Variants in EYS observed in about 807,000 individuals in gnomAD.
The protein encoded by EYS is protein eyes shut homolog.
A neutral mutation model predicts 282.1 loss-of-function variants in EYS; 250 were observed. The ratio of observed to expected loss-of-function variants is 0.89; its 90% confidence interval spans 0.80 to 0.98. The LOEUF (loss-of-function observed/expected upper bound fraction) is 0.98, where lower values mean the gene tolerates loss of function less well. Among genes scored for constraint, EYS ranks in the 50% least tolerant of loss-of-function variants. The pLI is 0.00. For missense variants in EYS, 4,016 were observed against 3,709.0 expected, an observed-to-expected ratio of 1.08 and a Z score of -2.15; for synonymous variants, 1,355 against 1,282.9, an observed-to-expected ratio of 1.06 and a Z score of -1.20.
chr6:65,495,778 A>G (rs946391917), intron 3 of EYS, 81 bp downstream of exon 3: 3 of 305,566 alleles, frequency 9.8e-6, no homozygotes, highest in Middle Eastern at 2.3e-3. Context: ...TGATCAAGAT[A>G]TGTTGATCTG....
At chr6:64,519,574 A>G (rs1032952585) in intron 26 of EYS, among the ~76,000 whole-genome samples, 2 of 151,812 alleles carry the variant, frequency 1.3e-5, no homozygotes, top group South Asian at 4.1e-4. Context: ...GCTGTCAATT[A>G]TCTTTAAAAA....
At chr6:64,100,014 T>C (rs1772771820) in intron 31 of EYS, among the ~76,000 whole-genome samples, 1 of 152,228 alleles carries the variant, frequency 6.6e-6, no homozygotes, top group South Asian at 2.1e-4. Flanking sequence ...TGCTAAACCG[T>C]CTCAGTTTTT....
chr6:64,810,659 G>T (rs1326726992), intron 22 of EYS, among the ~76,000 whole-genome samples: 2 of 151,976 alleles, frequency 1.3e-5, no homozygotes, highest in Admixed American at 6.6e-5. Flanking sequence ...ATAAGAGCAA[G>T]CCTATGGAAT....
intron 12 of EYS, among the ~76,000 whole-genome samples, chr6:65,246,664 A>G (rs1461809004): frequency 6.6e-6 from 1 of 152,058 alleles, no homozygotes; most frequent in East Asian, 1.9e-4. Context: ...ATACATCTGA[A>G]ACACGGTATG....
intron 22 of EYS, among the ~76,000 whole-genome samples, chr6:64,632,951 T>C (rs1031302969): frequency 6.6e-5 from 10 of 152,190 alleles, no homozygotes; most frequent in South Asian, 2.1e-4. Context: ...AATCTAATTA[T>C]TAAATGTATT....
chr6:65,331,053 T>G, intron 11 of EYS: 1 of 984,324 alleles, frequency 1.0e-6, no homozygotes, highest in Non-Finnish European at 1.2e-6. Flanking sequence ...CACCCATATG[T>G]GTTATGTAGT....
chr6:64,423,854 C>T (rs1236451930), intron 28 of EYS, among the ~76,000 whole-genome samples: 1 of 152,096 alleles, frequency 6.6e-6, no homozygotes, highest in Non-Finnish European at 1.5e-5. Flanking sequence ...TCACCAATGG[C>T]AAGCTTTATA....
intron 31 of EYS, among the ~76,000 whole-genome samples, chr6:64,222,372 G>A (rs113025481): frequency 2.5e-4 from 38 of 151,756 alleles, no homozygotes; most frequent in African/African-American, 7.0e-4. Flanking sequence ...GAGACCACAC[G>A]TTTTGTTCTT....
At chr6:63,765,061 T>C (rs1562015598) in intron 40 of EYS, among the ~76,000 whole-genome samples, 1 of 152,042 alleles carries the variant, frequency 6.6e-6, no homozygotes, top group African/African-American at 2.4e-5. Context: ...GGAGTAGATT[T>C]TGTAGAAGTA....
intron 30 of EYS, among the ~76,000 whole-genome samples, chr6:64,293,231 G>A (rs1232433793): frequency 6.6e-6 from 1 of 152,090 alleles, no homozygotes; most frequent in Non-Finnish European, 1.5e-5. Flanking sequence ...ATACATGTAT[G>A]TGTACAAACA....
Position 65,492,305 on chromosome 6 carries a change from AAG to A in EYS, c.749-1600_749-1599del, listed in dbSNP as rs1427552430. ...AGCACCTATGGCTGTAAGAAAGAGA[AAG>A]AGAGAGAAAGAAAGAAGAAAGAAAG... On this transcript the variant is annotated intron_variant, in intron 4 of 42. Coordinates refer to ENST00000503581, the MANE Select transcript of EYS (RefSeq NM_001142800.2). Among the ~76,000 whole-genome samples, 8 of 136,258 alleles carry A rather than the reference AAG, an allele frequency of 5.9e-5. No homozygotes were observed. The East Asian group carries it at 1.3e-3, about 23-fold the overall frequency. The allele number at this position is 136,258 out of a possible 152,430, so 89.4% of individuals were successfully genotyped here.
chr6:64,618,480 T>C (rs1767344146), intron 23 of EYS, among the ~76,000 whole-genome samples: 1 of 152,210 alleles, frequency 6.6e-6, no homozygotes, highest in Non-Finnish European at 1.5e-5. Context: ...TTTTTCTATG[T>C]ATTGTCCAAT....
At chr6:65,562,374 A>G (rs1312634527) in intron 2 of EYS, among the ~76,000 whole-genome samples, 1 of 152,072 alleles carries the variant, frequency 6.6e-6, no homozygotes, top group African/African-American at 2.4e-5. Flanking sequence ...ATATATTTTA[A>G]TAGTCACCTA....
At chr6:65,335,218 G>A in intron 10 of EYS, 72 bp from the exon 11 acceptor site, 4 of 1,018,938 alleles carry the variant, frequency 3.9e-6, no homozygotes, top group Non-Finnish European at 6.1e-6. Context: ...TGTGACCTGA[G>A]AGATCATGAT....
At chr6:63,877,903 A>G (rs1202316551) in intron 35 of EYS, among the ~76,000 whole-genome samples, 1 of 152,124 alleles carries the variant, frequency 6.6e-6, no homozygotes, top group Non-Finnish European at 1.5e-5. Flanking sequence ...CTTCTTTGCA[A>G]TGGGTTCGAA....
rs1374900418 is a variant in EYS at position 65,420,457 on chromosome 6, G to C, written c.863-15090C>G. Among the ~76,000 whole-genome samples the C allele has an allele frequency of 2.0e-5, 3 of 151,884 alleles. No homozygotes were observed. In the Admixed American group the frequency reaches 2.0e-4, roughly 10 times the overall value. Reference sequence around the variant, plus strand: ...CTCCACTTTTCATTCTAGTGTTCTTGCTATTTCCACTACATTTGCAGTTGC... The same window carrying C: ...CTCCACTTTTCATTCTAGTGTTCTTCCTATTTCCACTACATTTGCAGTTGC... On this transcript the variant is annotated intron_variant, in intron 5 of 42. Transcript: ENST00000503581.
intron 8 of EYS, 43 bp downstream of exon 8, chr6:65,384,343 T>A: frequency 9.0e-7 from 1 of 1,112,028 alleles, no homozygotes; most frequent in Non-Finnish European, 1.4e-6. Flanking sequence ...GTCTATTGTA[T>A]TTTGAAGGGC....
chr6:65,438,578 G>C (rs1233638025), intron 5 of EYS, among the ~76,000 whole-genome samples: 1 of 152,072 alleles, frequency 6.6e-6, no homozygotes, highest in Admixed American at 6.6e-5. Context: ...ATCTCATTGT[G>C]GTTTTGATTT....
chr6:64,821,229 A>T (rs976974240), intron 21 of EYS, among the ~76,000 whole-genome samples: 1 of 152,006 alleles, frequency 6.6e-6, no homozygotes, highest in Non-Finnish European at 1.5e-5. Flanking sequence ...TCCAGTATTT[A>T]TATTCTCCTT....
Sources: gnomAD v4.1 joint callset for allele counts (sites outside exome capture counted in the v4.1 genomes callset) on GRCh38, gnomAD v4.1.1 for gene constraint, MANE v1.5 for transcripts, NCBI Gene and HGNC (gene_info 2026-07-23, HGNC 2026-07-21) for gene names.